The following TNRC6B variants were observed in gnomAD, a reference collection of about 807,000 sequenced individuals.
The protein encoded by TNRC6B is trinucleotide repeat containing adaptor 6B.
TNRC6B carries 52 observed loss-of-function variants against 203.6 expected under a neutral mutation model. That is an observed-to-expected ratio of 0.26 (90% CI 0.20 to 0.32). TNRC6B has a LOEUF of 0.32. TNRC6B is among the 10% of genes least tolerant of loss of function. The pLI is 1.00. For synonymous variants in TNRC6B, 838 were observed against 845.7 expected, an observed-to-expected ratio of 0.99 and a Z score of 0.16; for missense variants, 1,923 against 2,286.2, an observed-to-expected ratio of 0.84 and a Z score of 3.24.
intron 12 of TNRC6B, among the ~76,000 whole-genome samples, chr22:40,299,888 T>C (rs1019731540): frequency 6.6e-6 from 1 of 152,230 alleles, no homozygotes; most frequent in Non-Finnish European, 1.5e-5. Context: ...CTCGCCTAGC[T>C]CACTCCTGAG....
At chr22:40,256,366 T>G (rs2070277918) in intron 3 of TNRC6B, among the ~76,000 whole-genome samples, 1 of 152,204 alleles carries the variant, frequency 6.6e-6, no homozygotes, top group African/African-American at 2.4e-5. Context: ...GTTTTGTTTT[T>G]AAGCCACTAC....
chr22:40,181,055 A>G (rs1298745769), intron 1 of TNRC6B, among the ~76,000 whole-genome samples: 1 of 152,220 alleles, frequency 6.6e-6, no homozygotes, highest in Non-Finnish European at 1.5e-5. Flanking sequence ...CTTTTCAGTC[A>G]TTCCATCTGG....
rs7291086 is a variant in TNRC6B, at chr22:40,160,647, C to T, written c.113+4465C>T. ...CTGCAGCGAGGTAAGTCACTGCAAC[C>T]TCAAACTCCAGGGCACCAGCAATCT... On this transcript the variant is annotated intron_variant, in intron 4 of 23. Transcript: ENST00000301923. Among the ~76,000 whole-genome samples, 298 of 152,232 alleles carry T rather than the reference C, an allele frequency of 2.0e-3. 2 individuals carry two copies. The highest frequency in any genetic ancestry group is 6.5e-3 in the African/African-American group (270 of 41,530).
chr22:40,284,990 C>G (rs1429499017), intron 11 of TNRC6B, among the ~76,000 whole-genome samples: 4 of 152,160 alleles, frequency 2.6e-5, no homozygotes, highest in Non-Finnish European at 4.4e-5. Context: ...GGAGGGAGTT[C>G]CGCTTATTTT....
At chr22:40,078,601 A>AT (rs563845337) in intron 1 of TNRC6B, among the ~76,000 whole-genome samples, 567 of 146,092 alleles carry the variant, frequency 3.9e-3, no homozygotes, top group Non-Finnish European at 6.2e-3. Flanking sequence ...TTATTTATTT[A>AT]TTTTTTTTTG....
chr22:40,294,073 CAAAAAAAA>C (rs11354611), intron 12 of TNRC6B, among the ~76,000 whole-genome samples: 1,261 of 80,352 alleles, frequency 0.016, 11 homozygotes, highest in Non-Finnish European at 0.022. Context: ...CCCATCTCTA[CAAAAAAAA>C]AAAAAAAAAA....
intron 4 of TNRC6B, among the ~76,000 whole-genome samples, chr22:40,160,188 T>G (rs1473461612): frequency 1.3e-5 from 2 of 152,090 alleles, no homozygotes; most frequent in South Asian, 4.1e-4. Flanking sequence ...CTCTAAGAGA[T>G]ATTTTGGGCC....
At chr22:40,277,229 C>A in intron 8 of TNRC6B, 78 bp downstream of exon 8, 1 of 1,002,956 alleles carries the variant, frequency 1.0e-6, no homozygotes, top group Non-Finnish European at 1.5e-6. Flanking sequence ...AAGACAACTG[C>A]CACATATAGT....
intron 1 of TNRC6B, among the ~76,000 whole-genome samples, chr22:40,197,532 C>G (rs1015065455): frequency 2.6e-5 from 4 of 151,884 alleles, no homozygotes; most frequent in African/African-American, 9.6e-5. Context: ...CATGATCTAC[C>G]CCCCTCGGCC....
At chr22:40,234,940 A>G (rs2069927549) in intron 1 of TNRC6B, among the ~76,000 whole-genome samples, 1 of 152,208 alleles carries the variant, frequency 6.6e-6, no homozygotes. Context: ...CCTCTGCCTG[A>G]ATGGATATGT....
intron 3 of TNRC6B, among the ~76,000 whole-genome samples, chr22:40,154,245 C>G (rs926227228): frequency 6.6e-6 from 1 of 151,936 alleles, no homozygotes; most frequent in Admixed American, 6.6e-5. Context: ...GGGTGGATCA[C>G]GAGGTCAGGA....
intron 4 of TNRC6B, among the ~76,000 whole-genome samples, chr22:40,157,994 A>G (rs1232643054): frequency 1.3e-5 from 2 of 152,116 alleles, no homozygotes; most frequent in Non-Finnish European, 2.9e-5. Context: ...ATGCTCTTGA[A>G]AAATACTGTT....
chr22:40,061,548 A>G lies in TNRC6B; in HGVS notation c.-121+16550A>G, dbSNP rs939522684. On this transcript the variant is annotated intron_variant, in intron 1 of 23. Transcript: ENST00000301923. Reference sequence around the variant, plus strand: ...TGGATTTAATATTTTATAAATGTCAATTAGGTCCAGATGGTTGGTAGTATC... The same window carrying G: ...TGGATTTAATATTTTATAAATGTCAGTTAGGTCCAGATGGTTGGTAGTATC... Among the ~76,000 whole-genome samples, 13 of 152,162 alleles carry G rather than the reference A, an allele frequency of 8.5e-5. No homozygotes were observed. The South Asian group carries it at 1.0e-3, about 12-fold the overall frequency.
Position 40,078,988 on chromosome 22 carries a change from C to T in TNRC6B, c.-121+33990C>T, listed in dbSNP as rs542917096. Among the ~76,000 whole-genome samples the T allele has an allele frequency of 2.0e-5, 3 of 151,634 alleles. 1 individual carries two copies. Among genetic ancestry groups the T allele is most frequent in the African/African-American group, 7.3e-5 (3 of 41,370 alleles). ...ACTTGGGAGGCTGAGGCAGGAGAGT[C>T]GCATGAACTCGGGAGGCAGAGGTTG... On this transcript the variant is annotated intron_variant, in intron 1 of 23. Coordinates refer to the TNRC6B transcript ENST00000301923.
In TNRC6B at chr22:40,275,398, T is replaced by C. The variant is rs115707955; in HGVS notation, c.3142-1679T>C. Among the ~76,000 whole-genome samples the C allele has an allele frequency of 5.1e-3, 779 of 152,330 alleles. 5 individuals carry two copies. The highest frequency in any genetic ancestry group is 0.018 in the African/African-American group (749 of 41,568). Reference sequence around the variant, plus strand: ...AATTAAGTTAATTGGGAATTGACTCTTTCAGCCCCAGTACCAGTGATTCTG... The same window carrying C: ...AATTAAGTTAATTGGGAATTGACTCCTTCAGCCCCAGTACCAGTGATTCTG... On this transcript the variant is annotated intron_variant, in intron 7 of 22. Transcript: ENST00000454349.
intron 4 of TNRC6B, among the ~76,000 whole-genome samples, chr22:40,160,598 A>G (rs1429681482): frequency 6.6e-6 from 1 of 152,114 alleles, no homozygotes; most frequent in East Asian, 1.9e-4. Context: ...TGACTGATTG[A>G]CAGGCTAGAC....
chr22:40,144,455 C>G (rs1299323057), intron 3 of TNRC6B, among the ~76,000 whole-genome samples: 2 of 152,138 alleles, frequency 1.3e-5, no homozygotes, highest in Non-Finnish European at 2.9e-5. Flanking sequence ...GCGGGCGGAT[C>G]ACGAGGTCAG....
intron 1 of TNRC6B, among the ~76,000 whole-genome samples, chr22:40,055,616 G>A (rs1276397299): frequency 6.6e-6 from 1 of 152,190 alleles, no homozygotes; most frequent in Non-Finnish European, 1.5e-5. Context: ...ATTCAGAGAA[G>A]ATAATCATAA....
At chr22:40,258,978 A>G (rs1457987533) in intron 3 of TNRC6B, among the ~76,000 whole-genome samples, 1 of 152,184 alleles carries the variant, frequency 6.6e-6, no homozygotes, top group Non-Finnish European at 1.5e-5. Flanking sequence ...CTTGACCTTT[A>G]TAGCAGGGCA....
Sources: allele counts gnomAD v4.1 joint callset (sites outside exome capture counted in the v4.1 genomes callset), GRCh38; gene constraint gnomAD v4.1.1; transcripts MANE v1.5; gene names NCBI Gene and HGNC (gene_info 2026-07-23, HGNC 2026-07-21).